PCDHGB1: variants seen among roughly 807,000 people sequenced by gnomAD.
PCDHGB1 encodes the protein protocadherin gamma subfamily B, 1.
A neutral mutation model predicts 56.6 loss-of-function variants in PCDHGB1; 34 were observed. That is an observed-to-expected ratio of 0.60 (90% CI 0.46 to 0.80). The LOEUF (loss-of-function observed/expected upper bound fraction) is 0.80, where lower values mean the gene tolerates loss of function less well. PCDHGB1 is among the 30% of genes least tolerant of loss of function. The pLI is 0.00. For synonymous variants in PCDHGB1, 561 were observed against 505.9 expected, an observed-to-expected ratio of 1.11 and a Z score of -1.46; for missense variants, 1,278 against 1,204.6, an observed-to-expected ratio of 1.06 and a Z score of -0.90.
intron 1 of PCDHGB1, chr5:141,419,997 T>C: frequency 2.5e-6 from 4 of 1,614,088 alleles, no homozygotes; most frequent in Non-Finnish European, 3.4e-6. Flanking sequence ...GCTATTGCTC[T>C]ACGCCTGCGA....
chr5:141,422,541 T>C (rs1389095817), intron 1 of PCDHGB1: 1 of 1,613,992 alleles, frequency 6.2e-7, no homozygotes. Context: ...CAGAAACTCA[T>C]GTCTGGCTGA....
chr5:141,379,845 AC>A (rs1334954085), intron 1 of PCDHGB1, among the ~76,000 whole-genome samples: 3 of 138,852 alleles, frequency 2.2e-5, no homozygotes. Context: ...AAAAAAAACT[AC>A]CAAATTATTG....
At chr5:141,434,658 T>C (rs1243599957) in intron 1 of PCDHGB1, among the ~76,000 whole-genome samples, 2 of 152,198 alleles carry the variant, frequency 1.3e-5, no homozygotes, top group African/African-American at 2.4e-5. Flanking sequence ...ATCTAATATC[T>C]ATAGAAATGA....
intron 1 of PCDHGB1, among the ~76,000 whole-genome samples, chr5:141,482,089 C>CAA (rs36035257): frequency 1.0e-3 from 137 of 134,516 alleles, no homozygotes; most frequent in African/African-American, 1.5e-3. Context: ...CACTCCATCT[C>CAA]AAAAAAAAAA....
chr5:141,360,059 A>C (rs568145843), intron 1 of PCDHGB1: 6 of 1,450,420 alleles, frequency 4.1e-6, no homozygotes, highest in Non-Finnish European at 1.8e-6. Flanking sequence ...AAGCAGGAAA[A>C]GTGACCTTAG....
intron 1 of PCDHGB1, chr5:141,428,221 G>A (rs1314522513): frequency 5.9e-6 from 7 of 1,177,278 alleles, no homozygotes; most frequent in Non-Finnish European, 8.6e-6. Context: ...CCTAGTCTTC[G>A]CAGACAGCCT....
chr5:141,394,941 G>C lies in PCDHGB1; in HGVS notation c.2409+42272G>C, dbSNP rs1238884149. The C allele has an allele frequency of 3.1e-6, 5 of 1,613,748 alleles. No individual in the cohort carries two copies. The East Asian group carries it at 1.1e-4, about 36-fold the overall frequency. On this transcript the variant is annotated intron_variant, in intron 1 of 3. Coordinates refer to ENST00000523390, the MANE Select transcript of PCDHGB1 (RefSeq NM_018922.3). Reference sequence around the variant, plus strand: ...CTGTGTCTTCCTCGCCTTTGTCGCTGTGCTTCTGGGGCTCAGGCTGAGGCG... The same window carrying C: ...CTGTGTCTTCCTCGCCTTTGTCGCTCTGCTTCTGGGGCTCAGGCTGAGGCG...
chr5:141,496,772 T>C (rs994207358), intron 2 of PCDHGB1, among the ~76,000 whole-genome samples: 9 of 152,008 alleles, frequency 5.9e-5, no homozygotes, highest in African/African-American at 1.2e-4. Flanking sequence ...GCATCTACTA[T>C]GAGCAGGGCC....
chr5:141,427,491 G>A (rs1158414276), intron 1 of PCDHGB1: 1 of 553,626 alleles, frequency 1.8e-6, no homozygotes, highest in Non-Finnish European at 3.4e-6. Context: ...CTATAAGCTT[G>A]TAACAGATGG....
At chr5:141,475,979 C>A in intron 1 of PCDHGB1, 1 of 1,020,182 alleles carries the variant, frequency 9.8e-7, no homozygotes, top group Non-Finnish European at 1.4e-6. Flanking sequence ...GACTGAACAG[C>A]CGGCGAGCAA....
chr5:141,369,477 G>A (rs372546289), intron 1 of PCDHGB1, among the ~76,000 whole-genome samples: 20 of 151,976 alleles, frequency 1.3e-4, no homozygotes, highest in East Asian at 5.8e-4. Flanking sequence ...GCCCAGCCTG[G>A]GCAACATAGT....
At chr5:141,394,459 G>T (rs761612403) in intron 1 of PCDHGB1, 1 of 1,614,238 alleles carries the variant, frequency 6.2e-7, no homozygotes, top group Non-Finnish European at 8.5e-7. Context: ...ATGTCACTGA[G>T]CCTGTTCGTG....
intron 1 of PCDHGB1, chr5:141,479,209 A>T (rs1314929824): frequency 6.6e-6 from 1 of 152,432 alleles, no homozygotes; most frequent in African/African-American, 2.4e-5. Context: ...AAAAGTATTT[A>T]AAAAATTAAA....
chr5:141,352,079 GC>G lies in PCDHGB1; in HGVS notation c.1821del (p.Ser608AlafsTer51). The G allele has an allele frequency of 1.2e-6, 2 of 1,604,962 alleles. No individual in the cohort carries two copies. The highest frequency in any genetic ancestry group is 1.7e-6 in the Non-Finnish European group (2 of 1,176,642). ...NAWLSYHVLQASEPGLFSLGL... is the reference protein window; with the variant it reads ...NAWLSYHVLQXSEPGLFSLGL... ...TTGGCTGTCCTACCACGTGCTGCAGGCCAGCGAGCCCGGGCTCTTCAGCCTG... is the reference window on the plus strand; with the variant it reads ...TTGGCTGTCCTACCACGTGCTGCAGGCAGCGAGCCCGGGCTCTTCAGCCTG... On this transcript the variant is annotated frameshift_variant, in exon 1 of 4. Transcript: ENST00000523390. LOFTEE classifies it high-confidence loss of function.
In PCDHGB1 at chr5:141,487,153, T is replaced by C; in HGVS notation, c.2410-7654T>C. The stretch of plus-strand genomic sequence containing the variant: ...GTCCACCACTCTCTACCTCTGTTAC[T>C]CTCTTAGTGTCCTTAGAGGAAGACA... On this transcript the variant is annotated intron_variant, in intron 1 of 3. Coordinates refer to ENST00000523390, the MANE Select transcript of PCDHGB1 (RefSeq NM_018922.3). This position sits in a 1 kb window ranked among gnomAD's most constrained non-coding sequence, Gnocchi z 5.0. 3 of 1,613,954 alleles carry C rather than the reference T, an allele frequency of 1.9e-6. No individual in the cohort carries two copies. Among genetic ancestry groups the C allele is most frequent in the Non-Finnish European group, 2.5e-6 (3 of 1,179,838 alleles).
chr5:141,420,118 T>C (rs2096468123), intron 1 of PCDHGB1: 2 of 1,613,844 alleles, frequency 1.2e-6, no homozygotes, highest in Admixed American at 1.7e-5. Flanking sequence ...ATGCCTATAA[T>C]TTTTGTGTGC....
In PCDHGB1 at chr5:141,364,448, G is replaced by C. The variant is rs1458012071; in HGVS notation, c.2409+11779G>C. On this transcript the variant is annotated intron_variant, in intron 1 of 3. Coordinates refer to ENST00000523390, the MANE Select transcript of PCDHGB1 (RefSeq NM_018922.3). ...CCGCTACTCGATGCCGGAGGAGCTGGACAAAGGCTCCTTCGTCGGCAACAT... is the reference window on the plus strand; with the variant it reads ...CCGCTACTCGATGCCGGAGGAGCTGCACAAAGGCTCCTTCGTCGGCAACAT... The C allele has an allele frequency of 3.7e-6, 6 of 1,613,860 alleles. No individual in the cohort carries two copies. The Admixed American group carries it at 8.3e-5, about 22-fold the overall frequency.
chr5:141,390,275 C>G, intron 1 of PCDHGB1: 1 of 1,613,976 alleles, frequency 6.2e-7, no homozygotes, highest in Non-Finnish European at 8.5e-7. Context: ...AATTGACTTC[C>G]CATCAGGTGA....
At chr5:141,468,077 C>T (rs180732917) in intron 1 of PCDHGB1, among the ~76,000 whole-genome samples, 1 of 152,152 alleles carries the variant, frequency 6.6e-6, no homozygotes, top group East Asian at 1.9e-4. Flanking sequence ...GTAATCCCAG[C>T]ACTTTGGGAG....
Sources: gnomAD v4.1 joint callset for allele counts (sites outside exome capture counted in the v4.1 genomes callset) on GRCh38, gnomAD v4.1.1 for gene constraint, Gnocchi (gnomAD v3.1) non-coding constraint, MANE v1.5 for transcripts, NCBI Gene and HGNC (gene_info 2026-07-23, HGNC 2026-07-21) for gene names.